MAPKAP1: variants seen among roughly 807,000 people sequenced by gnomAD.
The protein encoded by MAPKAP1 is target of rapamycin complex 2 subunit MAPKAP1.
In MAPKAP1, 20 loss-of-function variants were observed where a neutral mutation model predicts 65.7. That is an observed-to-expected ratio of 0.30 (90% CI 0.21 to 0.44). The LOEUF is 0.44. Among genes scored for constraint, MAPKAP1 ranks in the 20% least tolerant of loss-of-function variants. The pLI is 1.00. For synonymous variants in MAPKAP1, 222 were observed against 244.3 expected (o/e 0.91, Z 0.85); for missense variants, 423 against 648.0 (o/e 0.65, Z 3.77).
intron 1 of MAPKAP1, among the ~76,000 whole-genome samples, chr9:125,699,995 T>TA (rs1370043185): frequency 3.9e-5 from 6 of 152,260 alleles, no homozygotes; most frequent in African/African-American, 1.4e-4. Flanking sequence ...ACAAGGTACT[T>TA]ACATATATTG....
intron 6 of MAPKAP1, among the ~76,000 whole-genome samples, chr9:125,544,504 C>T (rs986894469): frequency 6.6e-6 from 1 of 152,142 alleles, no homozygotes; most frequent in African/African-American, 2.4e-5. Flanking sequence ...GGAACAAGTA[C>T]TCTAAAAACA....
At chr9:125,596,207 G>C in intron 4 of MAPKAP1, 1 of 767,354 alleles carries the variant, frequency 1.3e-6, no homozygotes, top group Non-Finnish European at 2.4e-6. Flanking sequence ...GGAAAGCTCT[G>C]TCAAAGCAAG....
chr9:125,453,543 A>T (rs1474824521), intron 10 of MAPKAP1, among the ~76,000 whole-genome samples: 1 of 152,236 alleles, frequency 6.6e-6, no homozygotes, highest in African/African-American at 2.4e-5. Flanking sequence ...TCTTCTTTGT[A>T]AATATTCCTC....
In MAPKAP1 at chr9:125,693,600, CACAT is replaced by C. The variant is rs1413208797; in HGVS notation, c.-70+13367_-70+13370del. On this transcript the variant is annotated intron_variant, in intron 1 of 11. Transcript: ENST00000265960. ...ACACATATATACACGTATACACACA[CACAT>C]ACACATATATACACACATATATACA... 3.3e-5 allele frequency among the ~76,000 whole-genome samples: 5 copies of C among 150,408 alleles called. 1 individual carries two copies. The South Asian group carries it at 6.3e-4, about 19-fold the overall frequency.
rs765508671 is a variant in MAPKAP1, at chr9:125,691,617, G to C, written c.-70+15354C>G. Among the ~76,000 whole-genome samples the C allele has an allele frequency of 1.3e-3, 194 of 151,774 alleles. 1 individual carries two copies. The highest frequency in any genetic ancestry group is 2.2e-3 in the Non-Finnish European group (150 of 67,980). ...AATATGTAAGAAGAACAGTAACCTA[G>C]GGATAAAACCAAGGAACAGCAATAG... On this transcript the variant is annotated intron_variant, in intron 1 of 11. Coordinates refer to ENST00000265960, the MANE Select transcript of MAPKAP1 (RefSeq NM_001006617.3).
chr9:125,575,629 G>A (rs544326886), intron 5 of MAPKAP1, among the ~76,000 whole-genome samples: 1 of 152,242 alleles, frequency 6.6e-6, no homozygotes, highest in Non-Finnish European at 1.5e-5. Flanking sequence ...TGTAATTAGG[G>A]AATTACAAAT....
chr9:125,663,898 A>C (rs1834260741), intron 3 of MAPKAP1, among the ~76,000 whole-genome samples: 1 of 152,238 alleles, frequency 6.6e-6, no homozygotes. Flanking sequence ...AAACTAAAAA[A>C]ATAAATAGCC....
At chr9:125,583,404 A>G (rs2131575067) in intron 5 of MAPKAP1, among the ~76,000 whole-genome samples, 1 of 152,348 alleles carries the variant, frequency 6.6e-6, no homozygotes. Flanking sequence ...TTACCTATTT[A>G]CCTTAAACAG....
chr9:125,458,954 C>A (rs1164904395), intron 10 of MAPKAP1, among the ~76,000 whole-genome samples: 6 of 76,420 alleles, frequency 7.9e-5, no homozygotes, highest in African/African-American at 3.4e-4. Context: ...GGCTGCCGGG[C>A]GGAGACGCTC....
intron 10 of MAPKAP1, among the ~76,000 whole-genome samples, chr9:125,458,827 C>A (rs1194892090): frequency 1.3e-5 from 1 of 75,156 alleles, no homozygotes; most frequent in Non-Finnish European, 2.8e-5. Flanking sequence ...CCGGACGGGG[C>A]GGCTGGCCGG....
At position 125,546,482 on chromosome 9, in the gene MAPKAP1, G is replaced by A. The variant is rs116851000; in HGVS notation, c.849-3314C>T. On this transcript the variant is annotated intron_variant, in intron 6 of 11. Coordinates refer to ENST00000265960, the MANE Select transcript of MAPKAP1 (RefSeq NM_001006617.3). ...AGAATGCAAGTGGTTCTCAGCCTCC[G>A]TCTAGGTGCAAGTGTTAAGTTATGC... Among the ~76,000 whole-genome samples the A allele has an allele frequency of 3.2e-4, 48 of 152,246 alleles. No individual in the cohort carries two copies. In the East Asian group the frequency reaches 5.2e-3, roughly 17 times the overall value.
intron 10 of MAPKAP1, among the ~76,000 whole-genome samples, chr9:125,451,630 G>C (rs538434286): frequency 4.5e-4 from 68 of 152,176 alleles, no homozygotes; most frequent in African/African-American, 1.6e-3. Context: ...GGCACAACTG[G>C]AGGCTTCACC....
intron 4 of MAPKAP1, 42 bp downstream of exon 4, chr9:125,657,609 T>G: frequency 6.5e-7 from 1 of 1,535,538 alleles, no homozygotes; most frequent in Non-Finnish European, 8.9e-7. Flanking sequence ...CTCCACTCAA[T>G]TACAGTTTTA....
intron 1 of MAPKAP1, among the ~76,000 whole-genome samples, chr9:125,681,364 T>C (rs1258006996): frequency 6.6e-6 from 1 of 152,168 alleles, no homozygotes; most frequent in Non-Finnish European, 1.5e-5. Flanking sequence ...TAAAAGACTA[T>C]GGGGAGAAAG....
At chr9:125,625,245 AAT>A (rs1167583066) in intron 4 of MAPKAP1, among the ~76,000 whole-genome samples, 379 of 41,214 alleles carry the variant, frequency 9.2e-3, no homozygotes, top group South Asian at 0.036. Flanking sequence ...ATAAAAAAAA[AAT>A]AAATAAATAA....
intron 7 of MAPKAP1, among the ~76,000 whole-genome samples, chr9:125,536,495 T>C (rs1224420855): frequency 6.6e-6 from 1 of 152,250 alleles, no homozygotes; most frequent in Non-Finnish European, 1.5e-5. Flanking sequence ...GGCATCAGCA[T>C]GATTACTTAT....
chr9:125,564,586 A>G (rs1005251682), intron 5 of MAPKAP1, among the ~76,000 whole-genome samples: 1 of 152,162 alleles, frequency 6.6e-6, no homozygotes, highest in Non-Finnish European at 1.5e-5. Flanking sequence ...TGTCAGCCTC[A>G]CTCACGTCCC....
At chr9:125,558,119 C>T (rs181914772) in intron 6 of MAPKAP1, among the ~76,000 whole-genome samples, 192 of 152,248 alleles carry the variant, frequency 1.3e-3, no homozygotes, top group African/African-American at 4.3e-3. Context: ...TGGCCTGCCT[C>T]GGTCTCCCAA....
chr9:125,555,498 G>A (rs1589284520), intron 6 of MAPKAP1, among the ~76,000 whole-genome samples: 1 of 152,374 alleles, frequency 6.6e-6, no homozygotes. Flanking sequence ...TAGCCGGTGT[G>A]AGGGCCTCTA....
Sources: gnomAD v4.1 joint callset for allele counts (sites outside exome capture counted in the v4.1 genomes callset) on GRCh38, gnomAD v4.1.1 for gene constraint, MANE v1.5 for transcripts, NCBI Gene and HGNC (gene_info 2026-07-23, HGNC 2026-07-21) for gene names.